SREBF1: variants seen among roughly 807,000 people sequenced by gnomAD.
SREBF1 encodes sterol regulatory element binding transcription factor 1, also known as sterol regulatory element-binding protein 1.
SREBF1 carries 45 observed loss-of-function variants against 100.1 expected under a neutral mutation model. The observed-to-expected ratio is 0.45, with a 90% CI of 0.35 to 0.58. SREBF1 has a LOEUF of 0.58. SREBF1 is among the 20% of genes least tolerant of loss of function. SREBF1 has a pLI of 0.00. For missense variants in SREBF1, 1,324 were observed against 1,539.4 expected, an observed-to-expected ratio of 0.86 and a Z score of 2.34; for synonymous variants, 657 against 681.8, an observed-to-expected ratio of 0.96 and a Z score of 0.57.
chr17:17,823,811 C>T (rs1598130939), intron 1 of SREBF1, among the ~76,000 whole-genome samples: 1 of 151,484 alleles, frequency 6.6e-6, no homozygotes, highest in Non-Finnish European at 1.5e-5. Context: ...CCGGCCCCGG[C>T]CCCCGCCCCA....
At chr17:17,823,913 G>T (rs1364841706) in intron 1 of SREBF1, among the ~76,000 whole-genome samples, 1 of 152,088 alleles carries the variant, frequency 6.6e-6, no homozygotes, top group Non-Finnish European at 1.5e-5. Flanking sequence ...CCCGCTCGGT[G>T]CCAGCGTCTG....
At chr17:17,825,983 C>CA (rs1187260280) in intron 1 of SREBF1, among the ~76,000 whole-genome samples, 2 of 152,208 alleles carry the variant, frequency 1.3e-5, no homozygotes, top group Admixed American at 1.3e-4. Flanking sequence ...CAGCCTCCCT[C>CA]AGAGACACAC....
chr17:17,818,400 G>C, intron 5 of SREBF1, 26 bp from the exon 6 acceptor site: 12,664 of 1,261,766 alleles, frequency 0.01, no homozygotes, highest in Non-Finnish European at 0.013. Flanking sequence ...GGGAGGGGGA[G>C]CGCACAGGTG....
In SREBF1 at chr17:17,816,226, C is replaced by A. The variant is rs777361028; in HGVS notation, c.2195G>T (p.Arg732Leu). ...AALRVKTSLP[R>L]ALHFLTRFFL... Reference sequence around the variant, plus strand: ...ACTCACTGTCAGAAAATGCAAGGCCCGTGGGAGACTGGTCTTCACTCTCAA... The same window carrying A: ...ACTCACTGTCAGAAAATGCAAGGCCAGTGGGAGACTGGTCTTCACTCTCAA... Residue 732 changes from arginine (R) to leucine (L), a missense_variant, in exon 11 of 19, where the codon CGG becomes CTG. Transcript: ENST00000261646. 1.9e-6 allele frequency: 2 copies of A among 1,060,874 alleles called. No individual in the cohort carries two copies. Among genetic ancestry groups the A allele is most frequent in the African/African-American group, 4.3e-5 (1 of 23,206 alleles). 65.7% of individuals were successfully genotyped at this position (1,060,874 alleles called of 1,614,324 possible).
chr17:17,816,048 G>A lies in SREBF1; in HGVS notation c.2215-20C>T, dbSNP rs199794521. ...GAAGCGCTGTAGGGGAGGGTACTGG[G>A]CTGTCACAGTGGACACAGCCTGGGG... is the stretch of plus-strand genomic sequence containing the variant. On this transcript the variant is annotated intron_variant, in intron 11 of 18. Coordinates refer to ENST00000261646, the MANE Select transcript of SREBF1 (RefSeq NM_004176.5). The A allele has an allele frequency of 6.2e-7, 1 of 1,609,358 alleles. No homozygotes were observed. The highest frequency in any genetic ancestry group is 2.2e-5 in the East Asian group (1 of 44,830).
Position 17,817,323 on chromosome 17 carries a change from G to A in SREBF1, c.1539C>T (p.Pro513=). 6.2e-7 allele frequency: 1 copy of A among 1,605,658 alleles called. No homozygotes were observed. The highest frequency in any genetic ancestry group is 1.7e-4 in the Middle Eastern group (1 of 5,872). Residue 513 remains proline (P), a synonymous_variant, in exon 8 of 19, where the codon CCC becomes CCT. Transcript: ENST00000261646. The surrounding 1 kb of genome is among the most constrained non-coding windows in gnomAD (Gnocchi z 6.6). ...LASLLGARGL[P]SPSDTTSVYH... is the part of the protein sequence containing the mutation. Reference sequence around the variant, plus strand: ...AGACGCTGGTGGTATCTGAGGGGCTGGGAAGCCCCCGGGCCCCCAGCAAGG... The same window carrying A: ...AGACGCTGGTGGTATCTGAGGGGCTAGGAAGCCCCCGGGCCCCCAGCAAGG...
At chr17:17,835,332 C>A (rs1385645584) in intron 1 of SREBF1, among the ~76,000 whole-genome samples, 1 of 152,164 alleles carries the variant, frequency 6.6e-6, no homozygotes, top group Non-Finnish European at 1.5e-5. Flanking sequence ...CCCCTCGTGC[C>A]AGGGATAGGG....
chr17:17,813,664 TGCTGCTGGTGCCCTGG>T lies in SREBF1; in HGVS notation c.2991_3006del (p.Gln998GlyfsTer16). Reference sequence around the variant, plus strand: ...AGCTCAAGGGCGGAAGCCTGGGGCCTGCTGCTGGTGCCCTGGGCTGCTGGGGCCGGGGCCGGGGGCT... The same window carrying T: ...AGCTCAAGGGCGGAAGCCTGGGGCCTGCTGCTGGGGCCGGGGCCGGGGGCT... On this transcript the variant is annotated frameshift_variant, in exon 17 of 19. Transcript: ENST00000261646. LOFTEE classifies it high-confidence loss of function. 6.4e-7 allele frequency: 1 copy of T among 1,553,518 alleles called. No individual in the cohort carries two copies. Among genetic ancestry groups the T allele is most frequent in the Non-Finnish European group, 8.6e-7 (1 of 1,156,460 alleles).
At position 17,812,712 on chromosome 17, in the gene SREBF1, T is replaced by G; in HGVS notation, c.3354A>C (p.Thr1118=). The change falls in exon 19 of 19, where the codon ACA becomes ACC. Residue 1118 remains threonine, a synonymous_variant. Transcript: ENST00000261646. ...GCCGGCGATCGCCAAGCTTCTCGAG[T>G]GTGCGCGCCGCCTCAGCCAGCATGC... The part of the protein sequence containing the change: ...RVGMLAEAAR[T]LEKLGDRRLL... The G allele has an allele frequency of 6.3e-7, 1 of 1,596,966 alleles. No individual in the cohort carries two copies. Among genetic ancestry groups the G allele is most frequent in the African/African-American group, 1.3e-5 (1 of 74,710 alleles).
Position 17,817,683 on chromosome 17 carries a change from G to A in SREBF1, c.1404+13C>T, listed in dbSNP as rs780772704. On this transcript the variant is annotated intron_variant, in intron 7 of 18. Coordinates refer to ENST00000261646, the MANE Select transcript of SREBF1 (RefSeq NM_004176.5). This position sits in a 1 kb window ranked among gnomAD's most constrained non-coding sequence, Gnocchi z 6.6. ...CTGGGAGTGGGGAAGGGGGCACCGTGGCAGGGCCCAACCTTGCTGTCCTCA... is the reference window on the plus strand; with the variant it reads ...CTGGGAGTGGGGAAGGGGGCACCGTAGCAGGGCCCAACCTTGCTGTCCTCA... 1.2e-6 allele frequency: 2 copies of A among 1,612,766 alleles called. No individual in the cohort carries two copies. The highest frequency in any genetic ancestry group is 1.7e-6 in the Non-Finnish European group (2 of 1,179,758).
At chr17:17,813,992 G>A in intron 16 of SREBF1, 1 of 665,024 alleles carries the variant, frequency 1.5e-6, no homozygotes, top group Non-Finnish European at 2.6e-6. Flanking sequence ...TCCTGATGCA[G>A]GGCCTCCAAA....
At position 17,815,924 on chromosome 17, in the gene SREBF1, C is replaced by G; in HGVS notation, c.2319G>C (p.Val773=). Residue 773 remains valine (V), a synonymous_variant, in exon 12 of 19, where the codon GTG becomes GTC. Transcript: ENST00000261646. ...LCHPVGHRFF[V]DGDWSVLSTP... ...TACTGAGCACGGACCAGTCCCCATC[C>G]ACGAAGAAACGGTGGCCCACGGGGT... 2 of 1,613,000 alleles carry G rather than the reference C, an allele frequency of 1.2e-6. No homozygotes were observed. Among genetic ancestry groups the G allele is most frequent in the Non-Finnish European group, 1.7e-6 (2 of 1,179,948 alleles).
chr17:17,825,084 G>A (rs2034398303), intron 1 of SREBF1, among the ~76,000 whole-genome samples: 1 of 152,186 alleles, frequency 6.6e-6, no homozygotes, highest in African/African-American at 2.4e-5. Context: ...CTGAACTCCA[G>A]GCATGAGTTC....
At chr17:17,813,177 C>T (rs931989863) in intron 18 of SREBF1, 191 bp downstream of exon 18, 1 of 653,618 alleles carries the variant, frequency 1.5e-6, no homozygotes, top group Admixed American at 2.2e-5. Flanking sequence ...CACTCAGGCT[C>T]ACTGCGGCCT....
rs2033977472 is a variant in SREBF1 at position 17,820,082 on chromosome 17, C to T, written c.523+8G>A. 2 of 1,609,978 alleles carry T rather than the reference C, an allele frequency of 1.2e-6. No homozygotes were observed. Among genetic ancestry groups the T allele is most frequent in the Non-Finnish European group, 1.7e-6 (2 of 1,178,994 alleles). On this transcript the variant is annotated splice_region_variant and intron_variant, in intron 2 of 18. Transcript: ENST00000261646. ...CGGGTGTCCCCTCCCGCCACACATC[C>T]CCCTTACCTGTAGAGAAGCCTCCCG...
chr17:17,825,240 C>T (rs1390769537), intron 1 of SREBF1, among the ~76,000 whole-genome samples: 1 of 152,246 alleles, frequency 6.6e-6, no homozygotes, highest in Non-Finnish European at 1.5e-5. Context: ...TCCCCTTACC[C>T]ATCTTGGCTT....
chr17:17,818,510 C>T, intron 5 of SREBF1, 136 bp from the exon 6 acceptor site: 1 of 694,260 alleles, frequency 1.4e-6, no homozygotes, highest in Non-Finnish European at 2.6e-6. Flanking sequence ...CTTGTTCCTT[C>T]TACCTGAACC....
intron 3 of SREBF1, 27 bp downstream of exon 3, chr17:17,819,511 C>T: frequency 6.2e-7 from 1 of 1,613,400 alleles, no homozygotes; most frequent in Non-Finnish European, 8.5e-7. Context: ...GCTGCCCCCT[C>T]CCCAACCCCT....
intron 1 of SREBF1, among the ~76,000 whole-genome samples, chr17:17,822,044 A>G (rs1947697583): frequency 6.6e-6 from 1 of 152,192 alleles, no homozygotes; most frequent in Admixed American, 6.5e-5. Context: ...TCCAGACCCT[A>G]TTTTGACTCC....
Sources: allele counts gnomAD v4.1 joint callset (sites outside exome capture counted in the v4.1 genomes callset), GRCh38; gene constraint gnomAD v4.1.1; non-coding constraint Gnocchi (gnomAD v3.1); transcripts MANE v1.5; gene names NCBI Gene and HGNC (gene_info 2026-07-23, HGNC 2026-07-21).